The following CRACDL variants were observed in gnomAD, a reference collection of about 807,000 sequenced individuals.
CRACDL encodes CRACD-like protein.
A neutral mutation model predicts 70.6 loss-of-function variants in CRACDL; 26 were observed. The observed-to-expected ratio is 0.37, with a 90% confidence interval of 0.27 to 0.51. The LOEUF (loss-of-function observed/expected upper bound fraction) is 0.51, where lower values mean the gene tolerates loss of function less well. Among genes scored for constraint, CRACDL ranks in the 20% least tolerant of loss-of-function variants. CRACDL has a pLI of 0.94. For missense variants in CRACDL, 1,283 were observed against 1,376.9 expected (o/e 0.93, Z 1.08); for synonymous variants, 618 against 615.2 (o/e 1.00, Z -0.07).
intron 1 of CRACDL, among the ~76,000 whole-genome samples, chr2:98,874,582 G>A (rs1707433313): frequency 6.6e-6 from 1 of 152,208 alleles, no homozygotes; most frequent in African/African-American, 2.4e-5. Context: ...TCTTAAAGAT[G>A]GGACCTGTGT....
intron 1 of CRACDL, among the ~76,000 whole-genome samples, chr2:98,907,109 T>G (rs759336761): frequency 6.6e-6 from 1 of 152,016 alleles, no homozygotes; most frequent in Non-Finnish European, 1.5e-5. Context: ...CTGGCCAACA[T>G]GGTGAAACCC....
At chr2:98,856,615 A>G (rs1706709684) in intron 1 of CRACDL, among the ~76,000 whole-genome samples, 1 of 152,232 alleles carries the variant, frequency 6.6e-6, no homozygotes, top group Non-Finnish European at 1.5e-5. Flanking sequence ...TCAAAAAGCA[A>G]TGGCATAAAA....
intron 1 of CRACDL, among the ~76,000 whole-genome samples, chr2:98,933,158 G>GGC (rs1270064565): frequency 6.6e-6 from 1 of 152,198 alleles, no homozygotes; most frequent in Non-Finnish European, 1.5e-5. Flanking sequence ...TCCCCGCTGT[G>GGC]GCTCACCCTG....
intron 7 of CRACDL, among the ~76,000 whole-genome samples, chr2:98,806,837 C>T (rs912336265): frequency 6.6e-6 from 1 of 152,210 alleles, no homozygotes; most frequent in African/African-American, 2.4e-5. Flanking sequence ...TCTCAGATCT[C>T]CAGGAACTGC....
chr2:98,839,730 C>T (rs1482951078), intron 2 of CRACDL, among the ~76,000 whole-genome samples: 1 of 152,128 alleles, frequency 6.6e-6, no homozygotes, highest in Non-Finnish European at 1.5e-5. Context: ...TTTCTACTTC[C>T]TGAATCTGTT....
intron 1 of CRACDL, among the ~76,000 whole-genome samples, chr2:98,852,438 C>A (rs1442849687): frequency 6.6e-6 from 1 of 151,830 alleles, no homozygotes; most frequent in Non-Finnish European, 1.5e-5. Flanking sequence ...ACCATATAAT[C>A]AAAATTTACA....
At chr2:98,869,088 G>A (rs2104592935) in intron 1 of CRACDL, 1 of 1,304,136 alleles carries the variant, frequency 7.7e-7, no homozygotes, top group East Asian at 5.6e-5. Flanking sequence ...CTGGGGTCAG[G>A]CCTGATGCAC....
intron 1 of CRACDL, among the ~76,000 whole-genome samples, chr2:98,847,765 G>A (rs889669369): frequency 1.3e-5 from 2 of 152,138 alleles, no homozygotes; most frequent in Non-Finnish European, 2.9e-5. Flanking sequence ...TAGGTATGAC[G>A]AATCCTCACA....
intron 1 of CRACDL, among the ~76,000 whole-genome samples, chr2:98,864,338 C>T (rs2104579799): frequency 6.6e-6 from 1 of 152,282 alleles, no homozygotes; most frequent in East Asian, 1.9e-4. Context: ...ATTCCACTTA[C>T]ACGAAATGTC....
chr2:98,929,799 G>GATTCACTTGACAT (rs143114588), intron 1 of CRACDL, among the ~76,000 whole-genome samples: 1,931 of 152,142 alleles, frequency 0.013, 29 homozygotes, highest in African/African-American at 0.044. Flanking sequence ...AATCTCATAG[G>GATTCACTTGACAT]ATATGTCAAG....
intron 1 of CRACDL, among the ~76,000 whole-genome samples, chr2:98,920,342 C>A (rs184782479): frequency 6.6e-6 from 1 of 152,232 alleles, no homozygotes; most frequent in East Asian, 1.9e-4. Flanking sequence ...ATCTACTGAC[C>A]TTCTTGCAGG....
At chr2:98,797,977 A>G (rs1703902056) in intron 7 of CRACDL, among the ~76,000 whole-genome samples, 1 of 152,118 alleles carries the variant, frequency 6.6e-6, no homozygotes, top group African/African-American at 2.4e-5. Flanking sequence ...CTTTCTGGAG[A>G]CAGTGACACC....
At chr2:98,933,990 C>G (rs1334475568) in intron 1 of CRACDL, among the ~76,000 whole-genome samples, 1 of 152,070 alleles carries the variant, frequency 6.6e-6, no homozygotes, top group Non-Finnish European at 1.5e-5. Flanking sequence ...GTGGAAGGGA[C>G]GAGCGAGCTC....
At chr2:98,889,684 A>C (rs922274035) in intron 1 of CRACDL, among the ~76,000 whole-genome samples, 6 of 152,200 alleles carry the variant, frequency 3.9e-5, no homozygotes, top group Admixed American at 2.6e-4. Context: ...TCTATAGAAT[A>C]CTCATCCAGT....
intron 1 of CRACDL, among the ~76,000 whole-genome samples, chr2:98,900,118 TC>T (rs1183072490): frequency 8.2e-6 from 1 of 122,698 alleles, no homozygotes; most frequent in Non-Finnish European, 1.6e-5. Flanking sequence ...GGACAGAGGC[TC>T]AGCAGGAGGG....
chr2:98,927,038 C>T (rs1463297540), intron 1 of CRACDL, among the ~76,000 whole-genome samples: 2 of 152,190 alleles, frequency 1.3e-5, no homozygotes, highest in African/African-American at 4.8e-5. Flanking sequence ...CTCATTTCTC[C>T]ACCTGCTCTG....
At chr2:98,921,453 A>G (rs1708800900) in intron 1 of CRACDL, among the ~76,000 whole-genome samples, 2 of 152,248 alleles carry the variant, frequency 1.3e-5, no homozygotes, top group African/African-American at 4.8e-5. Flanking sequence ...AAGGCTCTTG[A>G]CATGTATTAT....
Position 98,821,975 on chromosome 2 carries a change from C to A in CRACDL, c.2298G>T (p.Pro766=). The part of the protein sequence containing the change: ...LSSKPPLPRK[P]LLQSFTLPHQ... ...GCGGGAGCGTGAAGCTCTGCAGAAG[C>A]GGCTTCCGGGGCAGGGGCGGCTTGG... Residue 766 remains proline, a synonymous_variant, in exon 7 of 10, where the codon CCG becomes CCT. Transcript: ENST00000397899. 1 of 1,532,198 alleles carries A rather than the reference C, an allele frequency of 6.5e-7. No individual in the cohort carries two copies. The highest frequency in any genetic ancestry group is 8.8e-7 in the Non-Finnish European group (1 of 1,140,540). 94.9% of individuals were successfully genotyped at this position (1,532,198 alleles called of 1,614,324 possible).
At chr2:98,883,306 G>A (rs565385359) in intron 1 of CRACDL, among the ~76,000 whole-genome samples, 26 of 152,344 alleles carry the variant, frequency 1.7e-4, no homozygotes, top group Admixed American at 1.4e-3. Flanking sequence ...GAGCTGGGAG[G>A]ATGGAGGTCT....
Sources: gnomAD v4.1 joint callset for allele counts (sites outside exome capture counted in the v4.1 genomes callset) on GRCh38, gnomAD v4.1.1 for gene constraint, MANE v1.5 for transcripts, NCBI Gene and HGNC (gene_info 2026-07-23, HGNC 2026-07-21) for gene names.